The following RBFOX1 variants were observed in gnomAD, a reference collection of about 807,000 sequenced individuals.
RBFOX1 encodes the protein RNA binding fox-1 homolog 1.
RBFOX1 carries 8 observed loss-of-function variants against 57.7 expected under a neutral mutation model. That is an observed-to-expected ratio of 0.14 (90% CI 0.08 to 0.25). The LOEUF (loss-of-function observed/expected upper bound fraction) is 0.25, where lower values mean the gene tolerates loss of function less well. Among genes scored for constraint, RBFOX1 ranks in the 10% least tolerant of loss-of-function variants. The probability of loss-of-function intolerance (pLI) is 1.00; values close to 1 mark genes in which losing one functional copy is unlikely to be tolerated. For synonymous variants in RBFOX1, 326 were observed against 222.4 expected, an observed-to-expected ratio of 1.47 and a Z score of -4.15; for missense variants, 611 against 548.5, an observed-to-expected ratio of 1.11 and a Z score of -1.14.
At chr16:6,337,081 T>G (rs892456118) in intron 2 of RBFOX1, among the ~76,000 whole-genome samples, 4 of 152,210 alleles carry the variant, frequency 2.6e-5, no homozygotes, top group African/African-American at 9.6e-5. Context: ...CAGAGCACTT[T>G]ATATTACTCG....
chr16:5,385,443 T>A (rs1293906332), intron 1 of RBFOX1, among the ~76,000 whole-genome samples: 2 of 152,218 alleles, frequency 1.3e-5, no homozygotes, highest in Non-Finnish European at 2.9e-5. Flanking sequence ...ACATGAAACA[T>A]GCACTTTGAG....
At chr16:5,575,120 T>G (rs572317455) in intron 2 of RBFOX1, among the ~76,000 whole-genome samples, 22 of 152,306 alleles carry the variant, frequency 1.4e-4, no homozygotes, top group Admixed American at 3.9e-4. Flanking sequence ...TGGAAGTGCC[T>G]TTGCGTTATG....
intron 3 of RBFOX1, among the ~76,000 whole-genome samples, chr16:5,735,516 C>G (rs1200106887): frequency 3.9e-5 from 6 of 152,234 alleles, no homozygotes; most frequent in Admixed American, 2.0e-4. Flanking sequence ...GCTTCCGCAT[C>G]TTGACCCTTC....
intron 3 of RBFOX1, among the ~76,000 whole-genome samples, chr16:6,897,072 AC>A: frequency 6.6e-6 from 1 of 152,254 alleles, no homozygotes; most frequent in African/African-American, 2.4e-5. Context: ...TGCTGGCAGC[AC>A]CTGAGGAAGG....
chr16:5,454,960 T>TTTCTTTCC (rs2068575462), intron 1 of RBFOX1, among the ~76,000 whole-genome samples: 1 of 45,972 alleles, frequency 2.2e-5, no homozygotes, highest in African/African-American at 7.6e-5. Context: ...CCTTCCTTCC[T>TTTCTTTCC]TTCTTTCTTT....
intron 4 of RBFOX1, among the ~76,000 whole-genome samples, chr16:7,334,947 C>G (rs1255593503): frequency 6.6e-6 from 1 of 152,182 alleles, no homozygotes; most frequent in Admixed American, 6.5e-5. Flanking sequence ...TGAGGAGCCT[C>G]TAGACCAGCT....
At chr16:5,748,801 T>G (rs1339438094) in intron 3 of RBFOX1, among the ~76,000 whole-genome samples, 3 of 152,208 alleles carry the variant, frequency 2.0e-5, no homozygotes, top group Non-Finnish European at 4.4e-5. Context: ...TACAGCACAC[T>G]GATGGGTCTT....
intron 4 of RBFOX1, among the ~76,000 whole-genome samples, chr16:7,300,616 AT>A (rs34041062): frequency 6.6e-6 from 1 of 151,546 alleles, no homozygotes; most frequent in African/African-American, 2.4e-5. Context: ...TATAGAAAGT[AT>A]TTTTTTTAGT....
chr16:7,233,844 C>A (rs913431738), intron 4 of RBFOX1, among the ~76,000 whole-genome samples: 1 of 152,172 alleles, frequency 6.6e-6, no homozygotes, highest in African/African-American at 2.4e-5. Flanking sequence ...AGCTAATTGA[C>A]AACAAGGTTT....
At chr16:6,201,067 T>C (rs114814773) in intron 1 of RBFOX1, among the ~76,000 whole-genome samples, 4,272 of 152,220 alleles carry the variant, frequency 0.028, 207 homozygotes, top group African/African-American at 0.097. Context: ...TTTGTCTTTC[T>C]GTGTCTGGCT....
At chr16:5,241,253 G>A (rs1416834477) in intron 1 of RBFOX1, among the ~76,000 whole-genome samples, 2 of 152,186 alleles carry the variant, frequency 1.3e-5, no homozygotes, top group Non-Finnish European at 2.9e-5. Context: ...ACTGCATTCA[G>A]AGCTTGGGTC....
intron 3 of RBFOX1, among the ~76,000 whole-genome samples, chr16:6,781,086 C>G (rs1395442930): frequency 6.6e-6 from 1 of 152,134 alleles, no homozygotes; most frequent in South Asian, 2.1e-4. Context: ...TGTCTGGAAG[C>G]ATTTCCACAG....
intron 6 of RBFOX1, among the ~76,000 whole-genome samples, chr16:7,582,541 C>T (rs1229059104): frequency 1.3e-5 from 2 of 152,130 alleles, no homozygotes; most frequent in Non-Finnish European, 2.9e-5. Context: ...TTATAGGATA[C>T]ATTTAGTGGC....
In RBFOX1 at chr16:6,497,911, A is replaced by G. The variant is rs769169648; in HGVS notation, c.-63-156692A>G. Among the ~76,000 whole-genome samples, 15 of 152,192 alleles carry G rather than the reference A, an allele frequency of 9.9e-5. 1 individual carries two copies. Among genetic ancestry groups the G allele is most frequent in the South Asian group, 2.1e-4 (1 of 4,818 alleles). ...GCCTAAAAGCATTCAGAGGTTTTCA[A>G]TCATATTTATAAATAAATTAATCAC... On this transcript the variant is annotated intron_variant, in intron 2 of 15. Coordinates refer to ENST00000550418, the MANE Select transcript of RBFOX1 (RefSeq NM_018723.4).
At chr16:7,591,761 C>G (rs534324847) in intron 7 of RBFOX1, among the ~76,000 whole-genome samples, 136 of 152,294 alleles carry the variant, frequency 8.9e-4, no homozygotes, top group South Asian at 1.7e-3. Flanking sequence ...CCGAGCAAGC[C>G]AAGCTCAGAA....
intron 4 of RBFOX1, among the ~76,000 whole-genome samples, chr16:7,108,707 A>C (rs1269119285): frequency 6.6e-6 from 1 of 152,022 alleles, no homozygotes; most frequent in Non-Finnish European, 1.5e-5. Flanking sequence ...AAGTGTCCAT[A>C]CTCTTTGATC....
At chr16:6,305,176 C>G (rs560909241) in intron 1 of RBFOX1, among the ~76,000 whole-genome samples, 3 of 152,312 alleles carry the variant, frequency 2.0e-5, no homozygotes, top group South Asian at 4.1e-4. Flanking sequence ...GTGATGTCTA[C>G]TTGGGATGGA....
intron 1 of RBFOX1, among the ~76,000 whole-genome samples, chr16:5,356,644 A>G (rs758156834): frequency 1.3e-5 from 2 of 152,214 alleles, no homozygotes; most frequent in Non-Finnish European, 2.9e-5. Context: ...TGAATGAGCG[A>G]ACACCAAATG....
intron 1 of RBFOX1, among the ~76,000 whole-genome samples, chr16:5,418,087 C>CAACAAG (rs1230691763): frequency 6.6e-6 from 1 of 151,746 alleles, no homozygotes; most frequent in African/African-American, 2.4e-5. Flanking sequence ...ATCTCAACAA[C>CAACAAG]AACAACAACA....
Sources: allele counts gnomAD v4.1 joint callset (sites outside exome capture counted in the v4.1 genomes callset), GRCh38; gene constraint gnomAD v4.1.1; transcripts MANE v1.5; gene names NCBI Gene and HGNC (gene_info 2026-07-23, HGNC 2026-07-21).